HPSE2: variants seen among roughly 807,000 people sequenced by gnomAD.
The protein encoded by HPSE2 is heparanase 2 (inactive).
HPSE2 carries 38 observed loss-of-function variants against 60.5 expected under a neutral mutation model. The observed-to-expected ratio is 0.63, with a 90% confidence interval of 0.48 to 0.82. HPSE2 has a LOEUF of 0.82. Among genes scored for constraint, HPSE2 ranks in the 40% least tolerant of loss-of-function variants. The pLI is 0.00. For synonymous variants in HPSE2, 295 were observed against 293.2 expected (o/e 1.01, Z -0.06); for missense variants, 713 against 740.4 (o/e 0.96, Z 0.43).
At chr10:98,821,865 A>G (rs2210887) in intron 3 of HPSE2, among the ~76,000 whole-genome samples, 6,134 of 152,302 alleles carry the variant, frequency 0.04, 382 homozygotes, top group African/African-American at 0.13. Context: ...GCAACTACCT[A>G]GAGTTCCACT....
At chr10:99,138,434 A>G (rs1845742625) in intron 3 of HPSE2, among the ~76,000 whole-genome samples, 1 of 152,192 alleles carries the variant, frequency 6.6e-6, no homozygotes, top group Non-Finnish European at 1.5e-5. Flanking sequence ...ATAAAGACAC[A>G]TGCACACACA....
chr10:98,991,247 G>A (rs768467547), intron 3 of HPSE2, among the ~76,000 whole-genome samples: 11 of 152,178 alleles, frequency 7.2e-5, no homozygotes, highest in Middle Eastern at 3.2e-3. Context: ...AGAAATAAAG[G>A]AGTTAGAAAG....
chr10:99,131,530 C>T (rs1389707381), intron 3 of HPSE2, among the ~76,000 whole-genome samples: 1 of 151,806 alleles, frequency 6.6e-6, no homozygotes, highest in Admixed American at 6.6e-5. Flanking sequence ...CAGAAACAAA[C>T]ACACATGCAC....
chr10:98,723,786 T>C (rs1027135936), intron 4 of HPSE2, among the ~76,000 whole-genome samples: 1 of 152,236 alleles, frequency 6.6e-6, no homozygotes, highest in Non-Finnish European at 1.5e-5. Flanking sequence ...TGATAGTTTG[T>C]ATGTCTGTGG....
chr10:99,046,419 T>C lies in HPSE2; in HGVS notation c.610+97819A>G, dbSNP rs185462562. Among the ~76,000 whole-genome samples, 257 of 152,090 alleles carry C rather than the reference T, an allele frequency of 1.7e-3. 1 individual carries two copies. The highest frequency in any genetic ancestry group is 0.014 in the Admixed American group (212 of 15,274). On this transcript the variant is annotated intron_variant, in intron 3 of 11. Coordinates refer to ENST00000370552, the MANE Select transcript of HPSE2 (RefSeq NM_021828.5). ...GAAGCATTCCCCTTGATAACTGGAA[T>C]AAGACAACAATGTCCACTCTCACTA...
intron 3 of HPSE2, among the ~76,000 whole-genome samples, chr10:99,018,720 T>G (rs538950996): frequency 2.7e-4 from 41 of 152,252 alleles, no homozygotes; most frequent in Admixed American, 1.1e-3. Flanking sequence ...AAATAATATC[T>G]TCAATACAAA....
intron 5 of HPSE2, among the ~76,000 whole-genome samples, chr10:98,699,242 A>G (rs1393372002): frequency 2.6e-5 from 4 of 152,200 alleles, no homozygotes; most frequent in African/African-American, 9.6e-5. Flanking sequence ...AAAATCCTCA[A>G]TAAAATACTG....
intron 2 of HPSE2, among the ~76,000 whole-genome samples, chr10:99,194,032 A>G (rs1848311774): frequency 6.6e-6 from 1 of 152,108 alleles, no homozygotes; most frequent in African/African-American, 2.4e-5. Context: ...TAAGGCCACA[A>G]AACAACTCTT....
chr10:98,960,730 T>TTTTTTTTTTTTTTTTTTTTTTTTTTG (rs1955647062), intron 3 of HPSE2, among the ~76,000 whole-genome samples: 1 of 24,798 alleles, frequency 4.0e-5, no homozygotes, highest in Non-Finnish European at 9.1e-5. Flanking sequence ...TGTTTTATTT[T>TTTTTTTTTTTTTTTTTTTTTTTTTTG]TTTTATTTTA....
intron 3 of HPSE2, among the ~76,000 whole-genome samples, chr10:99,124,349 T>G (rs1013705249): frequency 6.6e-6 from 1 of 152,212 alleles, no homozygotes; most frequent in Non-Finnish European, 1.5e-5. Flanking sequence ...ACTCACAGCC[T>G]GGCCCCCATG....
At chr10:99,187,509 G>T (rs1431809668) in intron 2 of HPSE2, among the ~76,000 whole-genome samples, 1 of 152,028 alleles carries the variant, frequency 6.6e-6, no homozygotes, top group Non-Finnish European at 1.5e-5. Flanking sequence ...TCTGACAAAA[G>T]ACTGGTATTC....
intron 3 of HPSE2, among the ~76,000 whole-genome samples, chr10:99,025,632 T>C (rs1359842826): frequency 6.6e-6 from 1 of 152,094 alleles, no homozygotes; most frequent in African/African-American, 2.4e-5. Flanking sequence ...TTCTCACTTA[T>C]AAGTGGGAGC....
At chr10:98,842,698 TATC>T (rs1001149014) in intron 3 of HPSE2, among the ~76,000 whole-genome samples, 8 of 152,128 alleles carry the variant, frequency 5.3e-5, no homozygotes, top group African/African-American at 1.7e-4. Flanking sequence ...CTACATTGAT[TATC>T]ATTGTCACCC....
intron 6 of HPSE2, among the ~76,000 whole-genome samples, chr10:98,656,761 GTTTTT>G (rs1395202438): frequency 2.9e-5 from 4 of 138,786 alleles, no homozygotes; most frequent in Admixed American, 7.2e-5. Context: ...CAGCTGATAG[GTTTTT>G]TTTTTTTTTT....
At chr10:98,913,190 T>C (rs1467854443) in intron 3 of HPSE2, among the ~76,000 whole-genome samples, 2 of 152,224 alleles carry the variant, frequency 1.3e-5, no homozygotes, top group East Asian at 3.8e-4. Context: ...AGATCCAAGG[T>C]AGAGTTGTTA....
intron 3 of HPSE2, among the ~76,000 whole-genome samples, chr10:98,926,695 C>T (rs907301500): frequency 1.3e-5 from 2 of 152,056 alleles, no homozygotes; most frequent in African/African-American, 4.8e-5. Flanking sequence ...CCCACCAAGC[C>T]CACAAGGTAA....
intron 3 of HPSE2, among the ~76,000 whole-genome samples, chr10:98,870,307 A>G (rs1386440754): frequency 2.6e-5 from 4 of 152,200 alleles, no homozygotes; most frequent in Non-Finnish European, 5.9e-5. Context: ...AGAAGGGTGT[A>G]TGGCTACAGA....
At chr10:99,197,708 A>G (rs1848448029) in intron 2 of HPSE2, among the ~76,000 whole-genome samples, 1 of 152,198 alleles carries the variant, frequency 6.6e-6, no homozygotes, top group South Asian at 2.1e-4. Context: ...GAGAGAATAT[A>G]TCATTTTCAT....
intron 3 of HPSE2, among the ~76,000 whole-genome samples, chr10:99,021,243 G>C (rs1193435298): frequency 6.6e-6 from 1 of 152,128 alleles, no homozygotes; most frequent in Non-Finnish European, 1.5e-5. Flanking sequence ...TTAATAATAA[G>C]AGTTTATTGA....
Sources: allele counts gnomAD v4.1 joint callset (sites outside exome capture counted in the v4.1 genomes callset), GRCh38; gene constraint gnomAD v4.1.1; transcripts MANE v1.5; gene names NCBI Gene and HGNC (gene_info 2026-07-23, HGNC 2026-07-21).